RNF152: variants seen among roughly 807,000 people sequenced by gnomAD.
RNF152 encodes the protein E3 ubiquitin-protein ligase RNF152.
RNF152 carries 11 observed loss-of-function variants against 12.7 expected under a neutral mutation model. The observed-to-expected ratio is 0.86, with a 90% CI of 0.54 to 1.43. RNF152 has a LOEUF of 1.43. Among genes scored for constraint, RNF152 ranks in the 40% most tolerant of loss-of-function variants. RNF152 has a pLI of 0.00. For missense variants in RNF152, 255 were observed against 274.8 expected, an observed-to-expected ratio of 0.93 and a Z score of 0.51; for synonymous variants, 113 against 120.3, an observed-to-expected ratio of 0.94 and a Z score of 0.40.
chr18:61,815,853 C>T lies in RNF152; in HGVS notation c.611G>A (p.Ter204=), dbSNP rs1599256009. 5.6e-6 allele frequency: 9 copies of T among 1,611,860 alleles called. No homozygotes were observed. The East Asian group carries it at 2.0e-4, about 36-fold the overall frequency. ...CAAGAGACTTCCCTGCAGCCCTCTT[C>T]AGCCACAGGATATCACAGTGAAGCG... ...SKRFTVISCG[*] The change falls in exon 2 of 2, where the codon TGA becomes TAA. Residue 204 remains the stop codon, a stop_retained_variant. Transcript: ENST00000312828.
intron 1 of RNF152, among the ~76,000 whole-genome samples, chr18:61,864,381 G>A (rs1008023140): frequency 3.3e-5 from 5 of 152,182 alleles, no homozygotes; most frequent in African/African-American, 1.2e-4. Flanking sequence ...GCTATTACTG[G>A]TTTATGATAA....
chr18:61,863,932 G>T (rs1393758430), intron 1 of RNF152, among the ~76,000 whole-genome samples: 1 of 152,168 alleles, frequency 6.6e-6, no homozygotes, highest in Non-Finnish European at 1.5e-5. Flanking sequence ...GCTCTAATCG[G>T]CTGCCTTTTC....
chr18:61,884,951 C>T (rs1238897495), intron 1 of RNF152, among the ~76,000 whole-genome samples: 2 of 152,210 alleles, frequency 1.3e-5, no homozygotes, highest in Non-Finnish European at 2.9e-5. Context: ...TACACACCAC[C>T]ATAGGTGAAT....
At chr18:61,863,929 T>C (rs1298343764) in intron 1 of RNF152, among the ~76,000 whole-genome samples, 2 of 152,236 alleles carry the variant, frequency 1.3e-5, no homozygotes, top group Non-Finnish European at 2.9e-5. Flanking sequence ...CCCGCTCTAA[T>C]CGGCTGCCTT....
intron 1 of RNF152, among the ~76,000 whole-genome samples, chr18:61,873,729 T>A (rs1912096232): frequency 6.6e-6 from 1 of 152,238 alleles, no homozygotes; most frequent in South Asian, 2.1e-4. Flanking sequence ...TAGTGAACTC[T>A]AATTGTTCAA....
At chr18:61,862,990 G>A (rs1029147831) in intron 1 of RNF152, among the ~76,000 whole-genome samples, 3 of 151,946 alleles carry the variant, frequency 2.0e-5, no homozygotes, top group Admixed American at 6.6e-5. Flanking sequence ...TTGTTGTGGT[G>A]TGAGAACAAA....
In RNF152 at chr18:61,811,490, C is replaced by T. The variant is rs1293775206; in HGVS notation, c.*4362G>A. ...CTTTCAGGGATAACTGAAATTTTTG[C>T]TTAAAAAAGAAAGACACTAAAACAA... is the stretch of plus-strand genomic sequence containing the variant. On this transcript the variant is annotated 3_prime_UTR_variant, in exon 2 of 2. Transcript: ENST00000312828. 6.6e-6 allele frequency: 1 copy of T among 152,136 alleles called. No homozygotes were observed. Among genetic ancestry groups the T allele is most frequent in the Non-Finnish European group, 1.5e-5 (1 of 68,010 alleles). 9.4% of individuals were successfully genotyped at this position (152,136 alleles called of 1,614,324 possible).
intron 1 of RNF152, among the ~76,000 whole-genome samples, chr18:61,849,070 C>T (rs1343272543): frequency 6.6e-6 from 1 of 152,260 alleles, no homozygotes; most frequent in East Asian, 1.9e-4. Flanking sequence ...GTGAATCCCC[C>T]GGGGTTTGGG....
At chr18:61,859,506 G>A (rs1376770700) in intron 1 of RNF152, among the ~76,000 whole-genome samples, 4 of 152,222 alleles carry the variant, frequency 2.6e-5, no homozygotes. Context: ...CCTGGAAGCT[G>A]CAGAGAAAAG....
upstream of RNF152, chr18:61,893,846 G>C (rs894491368): frequency 1.3e-5 from 2 of 152,372 alleles, no homozygotes; most frequent in Non-Finnish European, 2.9e-5. Flanking sequence ...CCGAGCAGCC[G>C]ACAGCGCCGC....
intron 1 of RNF152, among the ~76,000 whole-genome samples, chr18:61,881,791 T>C (rs1246153179): frequency 6.6e-6 from 1 of 152,214 alleles, no homozygotes; most frequent in Non-Finnish European, 1.5e-5. Context: ...ACGCACAAGT[T>C]CTACAAATAA....
At chr18:61,869,922 T>C (rs1772086648) in intron 1 of RNF152, among the ~76,000 whole-genome samples, 3 of 152,174 alleles carry the variant, frequency 2.0e-5, no homozygotes, top group Admixed American at 1.3e-4. Context: ...CAGGAAACCA[T>C]GAAAGAAACA....
chr18:61,847,359 T>A (rs924987737), intron 1 of RNF152, among the ~76,000 whole-genome samples: 1 of 152,180 alleles, frequency 6.6e-6, no homozygotes, highest in African/African-American at 2.4e-5. Flanking sequence ...CATAATGCCA[T>A]AAAACACAGC....
chr18:61,808,576 G>T lies in RNF152; in HGVS notation c.*7276C>A, dbSNP rs1912804157. On this transcript the variant is annotated 3_prime_UTR_variant, in exon 2 of 2. Coordinates refer to ENST00000312828, the MANE Select transcript of RNF152 (RefSeq NM_173557.3). Reference sequence around the variant, plus strand: ...CGTAGGGTGGGAGGAACCCTGGATTGCAGCTACATGGCTTATGTAGGGAGT... The same window carrying T: ...CGTAGGGTGGGAGGAACCCTGGATTTCAGCTACATGGCTTATGTAGGGAGT... 6.6e-6 allele frequency: 1 copy of T among 152,134 alleles called. No individual in the cohort carries two copies. 9.4% of individuals were successfully genotyped at this position (152,134 alleles called of 1,614,324 possible).
rs1599257522 is a variant in RNF152 at position 61,816,531 on chromosome 18, C to T, written c.-68G>A. 9.8e-6 allele frequency: 15 copies of T among 1,533,978 alleles called. No homozygotes were observed. The East Asian group carries it at 3.4e-4, about 35-fold the overall frequency. On this transcript the variant is annotated 5_prime_UTR_variant, in exon 2 of 2. Coordinates refer to ENST00000312828, the MANE Select transcript of RNF152 (RefSeq NM_173557.3). The stretch of plus-strand genomic sequence containing the variant: ...AGGAGCTGCTTCTCAGAGGCCACCG[C>T]CCTGTGTCTTTGCAGTGCAGGTAAT...
intron 1 of RNF152, among the ~76,000 whole-genome samples, chr18:61,880,602 T>C (rs1482298675): frequency 6.6e-6 from 1 of 152,176 alleles, no homozygotes; most frequent in African/African-American, 2.4e-5. Flanking sequence ...ACTACAGTTA[T>C]CTCCCCCACT....
chr18:61,869,911 A>G (rs1844028479), intron 1 of RNF152, among the ~76,000 whole-genome samples: 1 of 152,216 alleles, frequency 6.6e-6, no homozygotes, highest in African/African-American at 2.4e-5. Flanking sequence ...TGTACTTTGG[A>G]CAGGAAACCA....
chr18:61,860,845 C>T (rs1911444461), intron 1 of RNF152, among the ~76,000 whole-genome samples: 1 of 152,114 alleles, frequency 6.6e-6, no homozygotes, highest in African/African-American at 2.4e-5. Flanking sequence ...ATTGACAATC[C>T]TGACCCTGTG....
chr18:61,830,679 A>C (rs1488654483), intron 1 of RNF152, among the ~76,000 whole-genome samples: 2 of 152,182 alleles, frequency 1.3e-5, no homozygotes, highest in Non-Finnish European at 2.9e-5. Context: ...TAAAGGAAAG[A>C]GGGGCAAGGC....
Sources: allele counts gnomAD v4.1 joint callset (sites outside exome capture counted in the v4.1 genomes callset), GRCh38; gene constraint gnomAD v4.1.1; transcripts MANE v1.5; gene names NCBI Gene and HGNC (gene_info 2026-07-23, HGNC 2026-07-21).